The following CSMD1 variants were observed in gnomAD, a reference collection of about 807,000 sequenced individuals.
The protein encoded by CSMD1 is CUB and Sushi multiple domains 1, also known as CUB and sushi domain-containing protein 1.
In CSMD1, 213 loss-of-function variants were observed where a neutral mutation model predicts 417.5. The ratio of observed to expected loss-of-function variants is 0.51; its 90% CI spans 0.46 to 0.57. The LOEUF (loss-of-function observed/expected upper bound fraction) is 0.57. Ranked by LOEUF, CSMD1 falls within the 20% of genes least tolerant of loss-of-function variation. The pLI is 0.00. For synonymous variants in CSMD1, 2,862 were observed against 1,736.8 expected (o/e 1.65, Z -16.11); for missense variants, 6,923 against 4,529.7 (o/e 1.53, Z -15.17).
intron 2 of CSMD1, among the ~76,000 whole-genome samples, chr8:4,490,565 C>T (rs1459472610): frequency 6.6e-6 from 1 of 152,102 alleles, no homozygotes; most frequent in African/African-American, 2.4e-5. Context: ...ATATGAGATG[C>T]AGAATTCTTC....
At chr8:3,860,929 A>C (rs1804657994) in intron 5 of CSMD1, among the ~76,000 whole-genome samples, 2 of 152,212 alleles carry the variant, frequency 1.3e-5, no homozygotes, top group African/African-American at 4.8e-5. Flanking sequence ...AATTATTTTT[A>C]AAATATATTT....
At chr8:3,486,796 GC>G (rs1282524426) in intron 11 of CSMD1, among the ~76,000 whole-genome samples, 3 of 152,204 alleles carry the variant, frequency 2.0e-5, no homozygotes, top group Admixed American at 1.3e-4. Flanking sequence ...TAGCTCCACT[GC>G]AGCTGCTAGC....
chr8:4,551,657 T>C (rs961404376), intron 2 of CSMD1, among the ~76,000 whole-genome samples: 2 of 151,910 alleles, frequency 1.3e-5, no homozygotes, highest in African/African-American at 2.4e-5. Context: ...TCCCAACACT[T>C]CTCAGGATCA....
chr8:4,759,952 G>C (rs575137241), intron 1 of CSMD1, among the ~76,000 whole-genome samples: 1 of 152,246 alleles, frequency 6.6e-6, no homozygotes, highest in African/African-American at 2.4e-5. Context: ...TAGGTCAAAG[G>C]GTATTTCTGG....
At chr8:3,147,591 T>G (rs907693164) in intron 40 of CSMD1, among the ~76,000 whole-genome samples, 1 of 152,202 alleles carries the variant, frequency 6.6e-6, no homozygotes, top group African/African-American at 2.4e-5. Flanking sequence ...ACAACCGCCA[T>G]TGAGGCTTCC....
intron 5 of CSMD1, among the ~76,000 whole-genome samples, chr8:3,916,773 T>C (rs1434584502): frequency 6.6e-6 from 1 of 152,104 alleles, no homozygotes; most frequent in African/African-American, 2.4e-5. Context: ...GAAAAAATAA[T>C]TGAGTGGCTC....
intron 27 of CSMD1, among the ~76,000 whole-genome samples, chr8:3,225,099 A>T (rs1035525640): frequency 1.5e-4 from 23 of 152,296 alleles, no homozygotes; most frequent in Non-Finnish European, 2.6e-4. Context: ...ACAAAAAGAG[A>T]CTTTGTTTTG....
chr8:3,275,061 T>C (rs541752576), intron 26 of CSMD1, among the ~76,000 whole-genome samples: 1 of 152,306 alleles, frequency 6.6e-6, no homozygotes, highest in East Asian at 1.9e-4. Context: ...TTGCCGTGCC[T>C]GGTACCTTTT....
chr8:3,973,039 G>C (rs754000540), intron 5 of CSMD1, among the ~76,000 whole-genome samples: 2 of 152,200 alleles, frequency 1.3e-5, no homozygotes, highest in Non-Finnish European at 2.9e-5. Context: ...TTACCAATAA[G>C]ATCACAGATA....
At chr8:3,115,447 C>T (rs1172315721) in intron 42 of CSMD1, among the ~76,000 whole-genome samples, 2 of 152,138 alleles carry the variant, frequency 1.3e-5, no homozygotes, top group South Asian at 2.1e-4. Flanking sequence ...GGTGATCCAC[C>T]CACCTCGGTC....
At chr8:3,040,387 A>AATATAT (rs35722761) in intron 50 of CSMD1, among the ~76,000 whole-genome samples, 6,883 of 137,268 alleles carry the variant, frequency 0.05, 204 homozygotes, top group East Asian at 0.066. Context: ...TACACATTGA[A>AATATAT]ATATATATAT....
chr8:4,019,441 G>C (rs1189195672), intron 4 of CSMD1, among the ~76,000 whole-genome samples: 1 of 79,830 alleles, frequency 1.3e-5, no homozygotes, highest in Admixed American at 1.2e-4. Flanking sequence ...TAAAAGGAAG[G>C]GAACATTCCC....
At chr8:3,872,120 ATTTG>A (rs1222043684) in intron 5 of CSMD1, among the ~76,000 whole-genome samples, 1 of 151,894 alleles carries the variant, frequency 6.6e-6, no homozygotes, top group Non-Finnish European at 1.5e-5. Flanking sequence ...TTCCATTCTT[ATTTG>A]TTCTTTTTCT....
intron 23 of CSMD1, among the ~76,000 whole-genome samples, chr8:3,330,733 C>A (rs1009899345): frequency 6.6e-6 from 1 of 152,140 alleles, no homozygotes; most frequent in South Asian, 2.1e-4. Context: ...TGCACCTGTG[C>A]CCCAAACCTA....
At chr8:4,767,113 T>C (rs1019221464) in intron 1 of CSMD1, among the ~76,000 whole-genome samples, 1 of 152,316 alleles carries the variant, frequency 6.6e-6, no homozygotes, top group Non-Finnish European at 1.5e-5. Flanking sequence ...TAAAAATGAT[T>C]TGGATTTCGA....
intron 3 of CSMD1, among the ~76,000 whole-genome samples, chr8:4,143,026 G>A (rs563650891): frequency 1.3e-5 from 2 of 150,562 alleles, no homozygotes; most frequent in African/African-American, 2.5e-5. Flanking sequence ...AGGAACTAGT[G>A]TCCAATTCCA....
intron 2 of CSMD1, among the ~76,000 whole-genome samples, chr8:4,550,467 G>T (rs768630487): frequency 6.6e-6 from 1 of 151,708 alleles, no homozygotes; most frequent in African/African-American, 2.4e-5. Context: ...GCATTTTTAG[G>T]TCACTTTGAT....
intron 1 of CSMD1, among the ~76,000 whole-genome samples, chr8:4,968,003 G>T (rs1809993602): frequency 6.6e-6 from 1 of 152,020 alleles, no homozygotes; most frequent in Non-Finnish European, 1.5e-5. Context: ...ATTCAAATTG[G>T]CATCATTTTA....
At chr8:4,496,477 T>C (rs769731496) in intron 2 of CSMD1, among the ~76,000 whole-genome samples, 1 of 152,168 alleles carries the variant, frequency 6.6e-6, no homozygotes, top group Non-Finnish European at 1.5e-5. Flanking sequence ...GAACGTGGAA[T>C]CTCCGTTTGC....
Sources: allele counts gnomAD v4.1 joint callset (sites outside exome capture counted in the v4.1 genomes callset), GRCh38; gene constraint gnomAD v4.1.1; transcripts MANE v1.5; gene names NCBI Gene and HGNC (gene_info 2026-07-23, HGNC 2026-07-21).